AZIN2: variants seen among roughly 807,000 people sequenced by gnomAD.
The protein encoded by AZIN2 is ODC antizyme inhibitor-2.
A neutral mutation model predicts 47.8 loss-of-function variants in AZIN2; 28 were observed. That is an observed-to-expected ratio of 0.59 (90% CI 0.43 to 0.80). The LOEUF (loss-of-function observed/expected upper bound fraction) is 0.80, where lower values mean the gene tolerates loss of function less well. Ranked by LOEUF, AZIN2 falls within the 30% of genes least tolerant of loss-of-function variation. The probability of loss-of-function intolerance (pLI) is 0.00; values close to 1 mark genes in which losing one functional copy is unlikely to be tolerated. For missense variants in AZIN2, 535 were observed against 582.5 expected, an observed-to-expected ratio of 0.92 and a Z score of 0.84; for synonymous variants, 221 against 239.4, an observed-to-expected ratio of 0.92 and a Z score of 0.71.
intron 10 of AZIN2, among the ~76,000 whole-genome samples, chr1:33,104,805 C>T (rs1015923935): frequency 6.6e-6 from 1 of 152,162 alleles, no homozygotes. Context: ...CTCAAGCCAT[C>T]CTTCCCACTC....
intron 10 of AZIN2, among the ~76,000 whole-genome samples, chr1:33,114,652 C>CT (rs35317929): frequency 0.17 from 13,648 of 79,870 alleles, 2,785 homozygotes; most frequent in African/African-American, 0.23. Flanking sequence ...CGCGACCCGC[C>CT]TTTTTTTTTT....
chr1:33,081,173 TG>T lies in AZIN2; in HGVS notation c.-524del, dbSNP rs539468100. 9.2e-4 allele frequency: 141 copies of T among 153,930 alleles called. No individual in the cohort carries two copies. Among genetic ancestry groups the T allele is most frequent in the Non-Finnish European group, 1.6e-3 (111 of 69,238 alleles). The allele number at this position is 153,930 out of a possible 1,614,324, so 9.5% of individuals were successfully genotyped here. A position where few individuals can be genotyped will look rare whatever the true frequency, so the allele number is the denominator to read the frequency against. On this transcript the variant is annotated 5_prime_UTR_variant, in exon 1 of 12. Coordinates refer to ENST00000294517, the MANE Select transcript of AZIN2 (RefSeq NM_052998.4). This position sits in a 1 kb window ranked among gnomAD's most constrained non-coding sequence, Gnocchi z 4.2. ...GCGGGGCGTGGGGGTCTGTGGCTGC[TG>T]GGCTGGCGGGGCGCAGGCCGCGGGA...
chr1:33,147,262 T>C, the AZIN2 span: 1 of 1,614,114 alleles, frequency 6.2e-7, no homozygotes, highest in Non-Finnish European at 8.5e-7. The surrounding 1 kb of genome is among the most constrained non-coding windows in gnomAD (Gnocchi z 8.1). Flanking sequence ...AGAGCAGAGC[T>C]TGCCAGGGAA....
chr1:33,138,628 A>ACAAC, the AZIN2 span, among the ~76,000 whole-genome samples: 3 of 128,688 alleles, frequency 2.3e-5, no homozygotes, highest in African/African-American at 9.6e-5. Flanking sequence ...AACAACAACA[A>ACAAC]AAAAAAAAAA....
At chr1:33,160,572 T>G in the AZIN2 span, among the ~76,000 whole-genome samples, 2 of 152,056 alleles carry the variant, frequency 1.3e-5, no homozygotes, top group Admixed American at 1.3e-4. Flanking sequence ...GCCCGGATAA[T>G]TTTTGTATTT....
At chr1:33,161,578 C>A in the AZIN2 span, among the ~76,000 whole-genome samples, 1 of 152,076 alleles carries the variant, frequency 6.6e-6, no homozygotes, top group East Asian at 1.9e-4. The surrounding 1 kb of genome is among the most constrained non-coding windows in gnomAD (Gnocchi z 4.3). Flanking sequence ...ACCCAGAACG[C>A]CAGGCAGACA....
the AZIN2 span, among the ~76,000 whole-genome samples, chr1:33,141,226 C>T: frequency 1.3e-5 from 2 of 151,872 alleles, no homozygotes; most frequent in African/African-American, 4.8e-5. Flanking sequence ...CTTGTACCCC[C>T]GCAGACCTTC....
rs1644388570 is a variant in AZIN2 at position 33,113,687 on chromosome 1, T to C, written c.1030-4215T>C. On this transcript the variant is annotated intron_variant, in intron 10 of 11. Coordinates refer to ENST00000294517, the MANE Select transcript of AZIN2 (RefSeq NM_052998.4). This position sits in a 1 kb window ranked among gnomAD's most constrained non-coding sequence, Gnocchi z 4.1. ...AGTAACCTTAGGCAAAGCAAGCTAC[T>C]TAATCTCTCTGAGCCTTGTTTCTCT... is the stretch of plus-strand genomic sequence containing the variant. Among the ~76,000 whole-genome samples, 1 of 152,256 alleles carries C rather than the reference T, an allele frequency of 6.6e-6. No individual in the cohort carries two copies. Among genetic ancestry groups the C allele is most frequent in the African/African-American group, 2.4e-5 (1 of 41,464 alleles).
the AZIN2 span, among the ~76,000 whole-genome samples, chr1:33,161,545 G>A: frequency 6.6e-6 from 1 of 152,120 alleles, no homozygotes; most frequent in Non-Finnish European, 1.5e-5. The surrounding 1 kb of genome is among the most constrained non-coding windows in gnomAD (Gnocchi z 4.3). Context: ...GCTGGCGGTG[G>A]GCCAGCCTCG....
intron 5 of AZIN2, among the ~76,000 whole-genome samples, chr1:33,087,127 A>G (rs1376130675): frequency 6.6e-6 from 1 of 150,504 alleles, no homozygotes; most frequent in Non-Finnish European, 1.5e-5. Context: ...TTTGGTGGAT[A>G]TGTAGTATTT....
downstream of AZIN2, among the ~76,000 whole-genome samples, chr1:33,123,684 G>C (rs894132054): frequency 8.5e-5 from 13 of 152,214 alleles, no homozygotes; most frequent in Admixed American, 6.5e-5. Flanking sequence ...CCAACATGGT[G>C]AAACTCCATC....
intron 10 of AZIN2, among the ~76,000 whole-genome samples, chr1:33,103,420 T>C (rs1643858503): frequency 6.6e-6 from 1 of 152,148 alleles, no homozygotes; most frequent in Non-Finnish European, 1.5e-5. Context: ...TCGCCCAGAA[T>C]GCTCTTCCAC....
chr1:33,157,095 G>A, the AZIN2 span, among the ~76,000 whole-genome samples: 6 of 151,752 alleles, frequency 4.0e-5, no homozygotes, highest in South Asian at 6.3e-4. Context: ...ACCAGTTCAC[G>A]TCACTTCATG....
At chr1:33,111,751 G>A (rs903576157) in intron 10 of AZIN2, among the ~76,000 whole-genome samples, 2 of 151,744 alleles carry the variant, frequency 1.3e-5, no homozygotes, top group East Asian at 1.9e-4. Flanking sequence ...ACAGGCACAC[G>A]CCACCGTGCC....
In AZIN2 at chr1:33,081,961, G is replaced by A. The variant is rs1641310273; in HGVS notation, c.-73+149G>A. 9.5e-6 allele frequency: 4 copies of A among 421,394 alleles called. No individual in the cohort carries two copies. The highest frequency in any genetic ancestry group is 6.5e-5 in the South Asian group (3 of 46,338). The allele number at this position is 421,394 out of a possible 1,614,324, so 26.1% of individuals were successfully genotyped here. A position where few individuals can be genotyped will look rare whatever the true frequency, so the allele number is the denominator to read the frequency against. On this transcript the variant is annotated intron_variant, in intron 3 of 11. Transcript: ENST00000294517. The surrounding 1 kb of genome is among the most constrained non-coding windows in gnomAD (Gnocchi z 4.2). ...AAAACAATTCATCCATTTTACAGAGGGAGCAACTGACTCGGAGAGGCAGTG... is the reference window on the plus strand; with the variant it reads ...AAAACAATTCATCCATTTTACAGAGAGAGCAACTGACTCGGAGAGGCAGTG...
chr1:33,136,348 TTCTC>T, the AZIN2 span, among the ~76,000 whole-genome samples: 14 of 150,550 alleles, frequency 9.3e-5, no homozygotes, highest in Admixed American at 8.6e-4. Context: ...CCTTCCTTCT[TTCTC>T]TCTCTCTCTG....
At chr1:33,133,785 G>A in the AZIN2 span, among the ~76,000 whole-genome samples, 5 of 152,368 alleles carry the variant, frequency 3.3e-5, no homozygotes, top group Admixed American at 6.5e-5. Flanking sequence ...GAGGCATGGT[G>A]CAGAGAAAAA....
chr1:33,141,877 A>C, the AZIN2 span: 242 of 159,522 alleles, frequency 1.5e-3, no homozygotes, highest in African/African-American at 5.5e-3. Context: ...ATTTAGGTTT[A>C]AAAATATATT....
Position 33,120,470 on chromosome 1 carries a change from C to T in AZIN2, c.*288C>T, listed in dbSNP as rs1009728317. ...GGGTGTTCTTGGGGTCTCCTTTGGT[C>T]TCCTTCCCACCTTTGTAAATATAAT... On this transcript the variant is annotated 3_prime_UTR_variant, in exon 12 of 12. Transcript: ENST00000294517. The T allele has an allele frequency of 2.5e-6, 1 of 396,118 alleles. No individual in the cohort carries two copies. Among genetic ancestry groups the T allele is most frequent in the Non-Finnish European group, 4.5e-6 (1 of 221,100 alleles). The allele number at this position is 396,118 out of a possible 1,614,324, so 24.5% of individuals were successfully genotyped here.
Sources: allele counts gnomAD v4.1 joint callset (sites outside exome capture counted in the v4.1 genomes callset), GRCh38; gene constraint gnomAD v4.1.1; non-coding constraint Gnocchi (gnomAD v3.1); transcripts MANE v1.5; gene names NCBI Gene and HGNC (gene_info 2026-07-23, HGNC 2026-07-21).